Variants in NRG3 observed in about 807,000 individuals in gnomAD.
NRG3 encodes neuregulin 3.
In NRG3, 31 loss-of-function variants were observed where a neutral mutation model predicts 66.9. The ratio of observed to expected loss-of-function variants is 0.46; its 90% CI spans 0.35 to 0.63. The LOEUF (loss-of-function observed/expected upper bound fraction) is 0.63. NRG3 is among the 20% of genes least tolerant of loss of function. The probability of loss-of-function intolerance (pLI) is 0.00; values close to 1 mark genes in which losing one functional copy is unlikely to be tolerated. For synonymous variants in NRG3, 393 were observed against 359.4 expected (o/e 1.09, Z -1.06); for missense variants, 910 against 878.9 (o/e 1.04, Z -0.45).
intron 1 of NRG3, among the ~76,000 whole-genome samples, chr10:81,915,307 A>G (rs1845568953): frequency 1.3e-5 from 2 of 152,154 alleles, no homozygotes; most frequent in South Asian, 4.1e-4. Flanking sequence ...ATTGAGTATA[A>G]AAGCATGTGC....
intron 2 of NRG3, among the ~76,000 whole-genome samples, chr10:82,611,310 C>A (rs935511979): frequency 2.6e-5 from 4 of 151,688 alleles, no homozygotes; most frequent in African/African-American, 9.7e-5. Flanking sequence ...GGTACAGGTG[C>A]ACAACATGCA....
intron 3 of NRG3, among the ~76,000 whole-genome samples, chr10:82,804,445 G>A (rs894087497): frequency 6.6e-6 from 1 of 152,076 alleles, no homozygotes; most frequent in Non-Finnish European, 1.5e-5. Flanking sequence ...AATGTATTTC[G>A]AACGACAGCA....
chr10:81,965,174 C>T (rs1021896465), intron 1 of NRG3, among the ~76,000 whole-genome samples: 2 of 152,146 alleles, frequency 1.3e-5, no homozygotes, highest in Admixed American at 6.6e-5. Flanking sequence ...ACATGGGTGA[C>T]CCTGGCACAG....
At chr10:82,244,922 C>T (rs768050971) in intron 1 of NRG3, among the ~76,000 whole-genome samples, 10 of 151,940 alleles carry the variant, frequency 6.6e-5, no homozygotes, top group African/African-American at 1.5e-4. Context: ...TTTGTAGAGA[C>T]GGGGTTTCAC....
At chr10:82,642,488 T>G (rs2050652515) in intron 2 of NRG3, among the ~76,000 whole-genome samples, 1 of 152,006 alleles carries the variant, frequency 6.6e-6, no homozygotes, top group Non-Finnish European at 1.5e-5. Flanking sequence ...AATATGAACC[T>G]AGTTCTGGTC....
intron 1 of NRG3, among the ~76,000 whole-genome samples, chr10:82,021,778 C>T (rs2132757498): frequency 6.9e-6 from 1 of 143,952 alleles, no homozygotes; most frequent in East Asian, 2.1e-4. Context: ...AGCTTTTGGG[C>T]ATGTAGTATG....
At chr10:82,826,399 C>G (rs967383871) in intron 3 of NRG3, among the ~76,000 whole-genome samples, 2 of 152,120 alleles carry the variant, frequency 1.3e-5, no homozygotes, top group Non-Finnish European at 2.9e-5. Context: ...TTAAAAGATG[C>G]GTAAGTTTCT....
chr10:82,613,407 C>G (rs2133527181), intron 2 of NRG3, among the ~76,000 whole-genome samples: 1 of 151,332 alleles, frequency 6.6e-6, no homozygotes, highest in East Asian at 1.9e-4. Context: ...CTGTTTTATT[C>G]TCTTATTATT....
intron 2 of NRG3, among the ~76,000 whole-genome samples, chr10:82,565,310 T>G (rs1032631758): frequency 1.3e-5 from 2 of 152,092 alleles, no homozygotes; most frequent in Non-Finnish European, 2.9e-5. Context: ...TGAATATGGG[T>G]TCTGACTTGG....
At chr10:82,418,144 G>C (rs1422490089) in intron 2 of NRG3, among the ~76,000 whole-genome samples, 1 of 152,178 alleles carries the variant, frequency 6.6e-6, no homozygotes, top group Admixed American at 6.6e-5. Context: ...ATAACTGTCA[G>C]CTCCTATAGT....
intron 2 of NRG3, among the ~76,000 whole-genome samples, chr10:82,421,696 A>G (rs72829307): frequency 0.17 from 26,577 of 151,912 alleles, 2,569 homozygotes; most frequent in East Asian, 0.34. Flanking sequence ...GGTATTAAGA[A>G]CTGGGCTAAG....
At position 82,443,925 on chromosome 10, in the gene NRG3, G is replaced by A. The variant is rs545846216; in HGVS notation, c.953+85057G>A. Among the ~76,000 whole-genome samples, 39 of 152,256 alleles carry A rather than the reference G, an allele frequency of 2.6e-4. No homozygotes were observed. The South Asian group carries it at 8.1e-3, about 32-fold the overall frequency. Reference sequence around the variant, plus strand: ...GAACTGGTCACCTATGGGGATAATAGGGAACACAGCCGTTATCATAAATAC... The same window carrying A: ...GAACTGGTCACCTATGGGGATAATAAGGAACACAGCCGTTATCATAAATAC... On this transcript the variant is annotated intron_variant, in intron 2 of 8. Coordinates refer to ENST00000372141, the MANE Select transcript of NRG3 (RefSeq NM_001010848.4).
At chr10:81,937,445 A>AT (rs1847985551) in intron 1 of NRG3, among the ~76,000 whole-genome samples, 1 of 151,912 alleles carries the variant, frequency 6.6e-6, no homozygotes, top group African/African-American at 2.4e-5. Flanking sequence ...TATTATTATT[A>AT]TTTTTAATAA....
intron 2 of NRG3, among the ~76,000 whole-genome samples, chr10:82,551,929 A>G (rs567369751): frequency 1.1e-4 from 16 of 152,008 alleles, no homozygotes; most frequent in African/African-American, 3.4e-4. Context: ...CTACATGTTC[A>G]TCCACCATTC....
intron 2 of NRG3, among the ~76,000 whole-genome samples, chr10:82,615,958 T>C (rs2133555748): frequency 6.6e-6 from 1 of 152,322 alleles, no homozygotes; most frequent in South Asian, 2.1e-4. Context: ...GTACTTTAGA[T>C]ATTATTTTTG....
At chr10:81,905,545 A>G (rs1362618780) in intron 1 of NRG3, among the ~76,000 whole-genome samples, 1 of 152,226 alleles carries the variant, frequency 6.6e-6, no homozygotes, top group African/African-American at 2.4e-5. Context: ...TAGCCAAAGC[A>G]GGAGACAGAA....
At chr10:82,048,385 T>G (rs1371516683) in intron 1 of NRG3, among the ~76,000 whole-genome samples, 2 of 151,758 alleles carry the variant, frequency 1.3e-5, no homozygotes, top group Non-Finnish European at 2.9e-5. Context: ...AGAACAGAAA[T>G]TATAACAAAC....
chr10:81,994,998 T>A (rs910758550), intron 1 of NRG3, among the ~76,000 whole-genome samples: 3 of 152,202 alleles, frequency 2.0e-5, no homozygotes, highest in African/African-American at 7.2e-5. Flanking sequence ...TTCAGATTTC[T>A]TTCTTATGTG....
intron 2 of NRG3, among the ~76,000 whole-genome samples, chr10:82,547,034 C>G (rs1033430045): frequency 1.3e-5 from 2 of 151,718 alleles, no homozygotes; most frequent in African/African-American, 4.8e-5. Context: ...AAAAATATAC[C>G]AAAAGATTAA....
Sources: gnomAD v4.1 joint callset for allele counts (sites outside exome capture counted in the v4.1 genomes callset) on GRCh38, gnomAD v4.1.1 for gene constraint, MANE v1.5 for transcripts, NCBI Gene and HGNC (gene_info 2026-07-23, HGNC 2026-07-21) for gene names.